The following ZSCAN10 variants were observed in gnomAD, a reference collection of about 807,000 sequenced individuals.
ZSCAN10 encodes the protein zinc finger and SCAN domain-containing protein 10.
A neutral mutation model predicts 63.7 loss-of-function variants in ZSCAN10; 52 were observed. The observed-to-expected ratio is 0.82, with a 90% confidence interval of 0.65 to 1.03. The LOEUF (loss-of-function observed/expected upper bound fraction) is 1.03, where lower values mean the gene tolerates loss of function less well. Ranked by LOEUF, ZSCAN10 falls within the 50% of genes least tolerant of loss-of-function variation. The probability of loss-of-function intolerance (pLI) is 0.00; values close to 1 mark genes in which losing one functional copy is unlikely to be tolerated. For synonymous variants in ZSCAN10, 544 were observed against 479.6 expected (o/e 1.13, Z -1.76); for missense variants, 1,223 against 1,103.8 (o/e 1.11, Z -1.53).
Position 3,099,284 on chromosome 16 carries a change from T to C in ZSCAN10, c.-162A>G, listed in dbSNP as rs1957192535. ...CCTCCGCCAGCCTGGGGAAGGGCTCTGGGAAAATGGAACAGGAAGTTCCTT... is the reference window on the plus strand; with the variant it reads ...CCTCCGCCAGCCTGGGGAAGGGCTCCGGGAAAATGGAACAGGAAGTTCCTT... On this transcript the variant is annotated 5_prime_UTR_variant, in exon 1 of 6. Coordinates refer to ENST00000576985, the MANE Select transcript of ZSCAN10 (RefSeq NM_032805.3). 1 of 152,386 alleles carries C rather than the reference T, an allele frequency of 6.6e-6. No homozygotes were observed. The highest frequency in any genetic ancestry group is 6.5e-5 in the Admixed American group (1 of 15,274). The allele number at this position is 152,386 out of a possible 1,614,324, so 9.4% of individuals were successfully genotyped here. A position where few individuals can be genotyped will look rare whatever the true frequency, so the allele number is the denominator to read the frequency against.
At position 3,089,600 on chromosome 16, in the gene ZSCAN10, C is replaced by T. The variant is rs1279171414; in HGVS notation, c.1834G>A (p.Gly612Arg). The T allele has an allele frequency of 2.5e-6, 4 of 1,585,842 alleles. No individual in the cohort carries two copies. Among genetic ancestry groups the T allele is most frequent in the East Asian group, 2.3e-5 (1 of 43,826 alleles). ...TCCTGGGTCTGGCCGAAACTCTTCC[C>T]GCACTGGGTGCAGTGGTGGGGCCGA... ...GPRPHHCTQC[G>R]KSFGQTQDLA... The change falls in exon 6 of 6, where the codon GGG (glycine) becomes AGG (arginine). Residue 612 changes from glycine (G) to arginine (R), a missense_variant. Transcript: ENST00000576985.
At chr16:3,098,537 G>A (rs1285275089) in intron 1 of ZSCAN10, among the ~76,000 whole-genome samples, 1 of 152,186 alleles carries the variant, frequency 6.6e-6, no homozygotes, top group Non-Finnish European at 1.5e-5. Context: ...AGGGAGGCCG[G>A]AATCTCCAGG....
Position 3,089,789 on chromosome 16 carries a change from G to A in ZSCAN10, c.1645C>T (p.Pro549Ser), listed in dbSNP as rs1468699034. 5.7e-6 allele frequency: 9 copies of A among 1,591,850 alleles called. No individual in the cohort carries two copies. Among genetic ancestry groups the A allele is most frequent in the Admixed American group, 1.7e-5 (1 of 59,140 alleles). ...CGGCCGCAAGCCTGGCAGGAGAAGG[G>A]CCGCTCGCCCGTGTGCACCCTCCGG... ...AHRRVHTGER[P>S]FSCQACGRSF... The change falls in exon 6 of 6, where the codon CCC (proline) becomes TCC (serine). Residue 549 changes from proline to serine, a missense_variant. By Grantham distance (74) the Pro-to-Ser change is moderately conservative. Transcript: ENST00000576985.
intron 4 of ZSCAN10, 21 bp from the exon 5 acceptor site, chr16:3,091,618 C>G: frequency 6.2e-7 from 1 of 1,614,138 alleles, no homozygotes; most frequent in Non-Finnish European, 8.5e-7. Flanking sequence ...AGCAGAAACC[C>G]TTGGTGAGTG....
chr16:3,092,940 T>C lies in ZSCAN10; in HGVS notation c.-3A>G, dbSNP rs1006610209. 1.3e-5 allele frequency: 18 copies of C among 1,418,664 alleles called. No homozygotes were observed. In the South Asian group the frequency reaches 2.5e-4, roughly 19 times the overall value. The allele number at this position is 1,418,664 out of a possible 1,614,324, so 87.9% of individuals were successfully genotyped here. The stretch of plus-strand genomic sequence containing the variant: ...GCTGGGACTGATTCTCCAAGCATCC[T>C]TCACTGCGGGGATGCCTCCCTAACG... On this transcript the variant is annotated 5_prime_UTR_variant, in exon 2 of 6. Transcript: ENST00000576985.
intron 3 of ZSCAN10, 97 bp from the exon 4 acceptor site, chr16:3,091,925 T>C (rs1957083194): frequency 6.3e-7 from 1 of 1,596,580 alleles, no homozygotes. Context: ...CCGGGCCCTG[T>C]GAAGACACCT....
intron 5 of ZSCAN10, 43 bp from the exon 6 acceptor site, chr16:3,090,689 G>A (rs1957062346): frequency 1.3e-6 from 2 of 1,492,368 alleles, no homozygotes; most frequent in Non-Finnish European, 1.8e-6. Flanking sequence ...CCTATTCCCA[G>A]GGCCACTATC....
At position 3,092,879 on chromosome 16, in the gene ZSCAN10, A is replaced by G. The variant is rs180815754; in HGVS notation, c.59T>C (p.Leu20Pro). The G allele has an allele frequency of 2.8e-6, 4 of 1,443,392 alleles. No individual in the cohort carries two copies. The allele number at this position is 1,443,392 out of a possible 1,614,324, so 89.4% of individuals were successfully genotyped here. A position where few individuals can be genotyped will look rare whatever the true frequency, so the allele number is the denominator to read the frequency against. ...TGGGCTGACAGCCTCCTCCTCCTCC[A>G]GCTTGACTTCCCCCAGCTGCTCCTG... ...VEQEQLGEVK[L>P]EEEEAVSPED... is the part of the protein sequence containing the mutation. The change falls in exon 2 of 6, where the codon CTG becomes CCG. Residue 20 changes from leucine (L) to proline (P), a missense_variant. Coordinates refer to ENST00000576985, the MANE Select transcript of ZSCAN10 (RefSeq NM_032805.3).
intron 1 of ZSCAN10, among the ~76,000 whole-genome samples, chr16:3,093,811 A>G (rs551348212): frequency 1.5e-4 from 22 of 149,844 alleles, no homozygotes; most frequent in African/African-American, 2.0e-4. Context: ...CTGGGTTTAC[A>G]GTAGCTGGGA....
rs1054216252 is a variant in ZSCAN10, at chr16:3,089,933, C to A, written c.1501G>T (p.Asp501Tyr). 4 of 1,538,824 alleles carry A rather than the reference C, an allele frequency of 2.6e-6. No individual in the cohort carries two copies. In the African/African-American group the frequency reaches 5.5e-5, roughly 21 times the overall value. ...LKRHLRIHAR[D>Y]KDRRSSEGSG... ...CCTTCGGAGGACCGGCGGTCCTTGT[C>A]CCTGGCGTGGATCCGCAGGTGGCGC... The change falls in exon 6 of 6, where the codon GAC becomes TAC. Residue 501 changes from aspartate (D) to tyrosine (Y), a missense_variant. Transcript: ENST00000576985.
At chr16:3,094,788 A>G (rs1186925447) in intron 1 of ZSCAN10, among the ~76,000 whole-genome samples, 1 of 151,914 alleles carries the variant, frequency 6.6e-6, no homozygotes, top group Admixed American at 6.6e-5. Flanking sequence ...GGTGGACAGG[A>G]GCCCAAAGAG....
chr16:3,092,387 G>T, intron 2 of ZSCAN10, 71 bp from the exon 3 acceptor site: 1 of 1,533,614 alleles, frequency 6.5e-7, no homozygotes. Context: ...AGGGGACATG[G>T]GACAGAAACG....
chr16:3,091,742 C>A, intron 4 of ZSCAN10, 22 bp downstream of exon 4: 2 of 1,578,286 alleles, frequency 1.3e-6, no homozygotes, highest in East Asian at 4.7e-5. Flanking sequence ...TTGAGGACAC[C>A]CTGGGGTGCG....
chr16:3,092,470 A>G, intron 2 of ZSCAN10, 72 bp downstream of exon 2: 1 of 1,453,872 alleles, frequency 6.9e-7, no homozygotes, highest in Non-Finnish European at 9.1e-7. Context: ...TGAAGTTTCC[A>G]GAGATTCCTC....
At chr16:3,097,486 C>T (rs1260682809) in intron 1 of ZSCAN10, among the ~76,000 whole-genome samples, 3 of 152,206 alleles carry the variant, frequency 2.0e-5, no homozygotes, top group Non-Finnish European at 4.4e-5. Flanking sequence ...AACCCTCAAG[C>T]TCCCAGTTTG....
Position 3,090,749 on chromosome 16 carries a change from G to C in ZSCAN10, c.788-103C>G, listed in dbSNP as rs577725296. 12 of 1,361,180 alleles carry C rather than the reference G, an allele frequency of 8.8e-6. 1 individual carries two copies. The South Asian group carries it at 1.9e-4, about 21-fold the overall frequency. The allele number at this position is 1,361,180 out of a possible 1,614,324, so 84.3% of individuals were successfully genotyped here. ...GAAGTGGAAAGAAACCCAGGATCCT[G>C]CAAAGCTGGTAGGTAAAAGGCCGGG... On this transcript the variant is annotated intron_variant, in intron 5 of 5. Transcript: ENST00000576985.
Position 3,090,637 on chromosome 16 carries a change from C to A in ZSCAN10, c.797G>T (p.Ser266Ile). 6.5e-7 allele frequency: 1 copy of A among 1,536,362 alleles called. No individual in the cohort carries two copies. The highest frequency in any genetic ancestry group is 1.2e-5 in the South Asian group (1 of 81,494). The part of the protein sequence containing the change: ...AWPAHPLGFG[S>I]RTPDKEEFKQ... ...AAATTCCTCCTTGTCTGGGGTTCTG[C>A]TTCCGAATCCTGGGAAACAAGACAA... Residue 266 changes from serine (S) to isoleucine (I), a missense_variant, in exon 6 of 6, where the codon AGC becomes ATC. By Grantham distance (142) the Ser-to-Ile change is moderately radical (BLOSUM62 -2). Coordinates refer to ENST00000576985, the MANE Select transcript of ZSCAN10 (RefSeq NM_032805.3).
In ZSCAN10 at chr16:3,092,776, C is replaced by A; in HGVS notation, c.162G>T (p.Glu54Asp). ...TCAGGGACGCCCGTGGCCCCATGTC[C>A]TCCTGATACTGGAAGCATCTGAACA... ...HQLFRCFQYQEDMGPRASLSR... is the reference protein window; with the variant it reads ...HQLFRCFQYQDDMGPRASLSR... Residue 54 changes from glutamate to aspartate, a missense_variant, in exon 2 of 6, where the codon GAG becomes GAT. Glu to Asp is a conservative substitution (Grantham distance 45, BLOSUM62 2). Coordinates refer to ENST00000576985, the MANE Select transcript of ZSCAN10 (RefSeq NM_032805.3). 1 of 1,598,142 alleles carries A rather than the reference C, an allele frequency of 6.3e-7. No homozygotes were observed. Among genetic ancestry groups the A allele is most frequent in the Non-Finnish European group, 8.5e-7 (1 of 1,172,794 alleles).
rs760087204 is a variant in ZSCAN10 at position 3,091,789 on chromosome 16, C to T, written c.704G>A (p.Arg235Gln). The part of the protein sequence containing the change: ...GPSPWPEESS[R>Q]DQELAAVLEC... ...CAGCACAGCCGCCAGCTCCTGATCTCGGGAACTCTCCTCTGGCCATGGTGA... is the reference window on the plus strand; with the variant it reads ...CAGCACAGCCGCCAGCTCCTGATCTTGGGAACTCTCCTCTGGCCATGGTGA... The change falls in exon 4 of 6, where the codon CGA becomes CAA. Residue 235 changes from arginine (R) to glutamine (Q), a missense_variant. By Grantham distance (43) the Arg-to-Gln change is conservative. Coordinates refer to ENST00000576985, the MANE Select transcript of ZSCAN10 (RefSeq NM_032805.3). The T allele has an allele frequency of 5.7e-6, 9 of 1,572,578 alleles. No homozygotes were observed. The African/African-American group carries it at 6.8e-5, about 12-fold the overall frequency.
Sources: gnomAD v4.1 joint callset for allele counts (sites outside exome capture counted in the v4.1 genomes callset) on GRCh38, gnomAD v4.1.1 for gene constraint, MANE v1.5 for transcripts, NCBI Gene and HGNC (gene_info 2026-07-23, HGNC 2026-07-21) for gene names.